The following LAPTM5 variants were observed in gnomAD, a reference collection of about 807,000 sequenced individuals.
LAPTM5 encodes lysosomal protein transmembrane 5.
Under a neutral mutation model 30.1 loss-of-function variants are expected in LAPTM5, and 11 were observed. The observed-to-expected ratio is 0.37, with a 90% CI of 0.23 to 0.60. LAPTM5 has a LOEUF of 0.60. Ranked by LOEUF, LAPTM5 falls within the 20% of genes least tolerant of loss-of-function variation. LAPTM5 has a pLI of 0.71. For synonymous variants in LAPTM5, 151 were observed against 137.9 expected (o/e 1.10, Z -0.67); for missense variants, 324 against 332.5 (o/e 0.97, Z 0.20).
intron 1 of LAPTM5, among the ~76,000 whole-genome samples, chr1:30,745,470 A>T (rs1016897135): frequency 1.8e-4 from 28 of 151,560 alleles, no homozygotes; most frequent in African/African-American, 6.8e-4. Flanking sequence ...CAGGCACCAG[A>T]GGTATTTCTA....
At chr1:30,742,109 G>T in intron 2 of LAPTM5, 2 of 391,408 alleles carry the variant, frequency 5.1e-6, no homozygotes, top group Non-Finnish European at 9.5e-6. Flanking sequence ...AGAGAGGTGG[G>T]CAGAGGCTGG....
intron 1 of LAPTM5, among the ~76,000 whole-genome samples, chr1:30,751,413 C>T (rs1388286813): frequency 6.6e-6 from 1 of 152,202 alleles, no homozygotes; most frequent in East Asian, 1.9e-4. Flanking sequence ...CAGTTTGGAC[C>T]CATTTTTCAA....
chr1:30,740,763 G>A (rs1262420275), intron 3 of LAPTM5, among the ~76,000 whole-genome samples: 2 of 152,162 alleles, frequency 1.3e-5, no homozygotes, highest in Non-Finnish European at 2.9e-5. Context: ...CCCTGCACAA[G>A]GCAAACGGCC....
chr1:30,741,892 A>C, intron 2 of LAPTM5, 176 bp from the exon 3 acceptor site: 1 of 502,572 alleles, frequency 2.0e-6, no homozygotes, highest in Non-Finnish European at 3.6e-6. Context: ...AAAGCAGAAC[A>C]TCACACATAG....
intron 1 of LAPTM5, among the ~76,000 whole-genome samples, chr1:30,744,539 C>T (rs140142281): frequency 2.0e-5 from 3 of 152,288 alleles, no homozygotes; most frequent in Non-Finnish European, 4.4e-5. Context: ...TTCAAAGTCT[C>T]AAGATTCCAG....
chr1:30,741,587 T>A (rs1639970873), intron 3 of LAPTM5, 53 bp downstream of exon 3: 1 of 1,373,734 alleles, frequency 7.3e-7, no homozygotes, highest in Non-Finnish European at 9.9e-7. Flanking sequence ...CCACCACCAG[T>A]GGGTGTGAAT....
intron 3 of LAPTM5, among the ~76,000 whole-genome samples, chr1:30,741,072 G>A (rs772612127): frequency 1.3e-5 from 2 of 152,178 alleles, no homozygotes; most frequent in African/African-American, 4.8e-5. Context: ...TTTGCCTCGG[G>A]CCCAGGAGCC....
intron 1 of LAPTM5, among the ~76,000 whole-genome samples, chr1:30,749,142 A>G (rs1640091773): frequency 6.6e-6 from 1 of 152,282 alleles, no homozygotes. Flanking sequence ...TGGTAGATTC[A>G]TACAATGGAG....
At chr1:30,741,607 G>C (rs373280418) in intron 3 of LAPTM5, 33 bp downstream of exon 3, 215 of 1,527,714 alleles carry the variant, frequency 1.4e-4, no homozygotes, top group Non-Finnish European at 1.8e-4. Flanking sequence ...TAACAGGAAG[G>C]GGCAGGGGGC....
At chr1:30,737,820 G>A (rs1188355) in intron 5 of LAPTM5, 121 bp from the exon 6 acceptor site, 127,527 of 625,322 alleles carry the variant, frequency 0.2, 13,770 homozygotes, top group Admixed American at 0.28. Context: ...TGGCACAGCC[G>A]TCACCTTGGT....
chr1:30,737,776 T>C, intron 5 of LAPTM5, 77 bp from the exon 6 acceptor site: 1 of 933,362 alleles, frequency 1.1e-6, no homozygotes, highest in South Asian at 1.4e-5. Context: ...CCGGGAATAA[T>C]GATCCCACCC....
In LAPTM5 at chr1:30,746,268, A is replaced by C. The variant is rs1404065639; in HGVS notation, c.88-3719T>G. On this transcript the variant is annotated intron_variant, in intron 1 of 7. Transcript: ENST00000294507. This position sits in a 1 kb window ranked among gnomAD's most constrained non-coding sequence, Gnocchi z 4.0. ...AGGGTCAGTGGGGTGGAGCTCCTAC[A>C]CACTGTAGGACATCTCACCCAGGCT... 6.6e-6 allele frequency: 1 copy of C among 152,094 alleles called. No individual in the cohort carries two copies. The highest frequency in any genetic ancestry group is 1.5e-5 in the Non-Finnish European group (1 of 68,018). The allele number at this position is 152,094 out of a possible 1,614,324, so 9.4% of individuals were successfully genotyped here.
Position 30,757,666 on chromosome 1 carries a change from T to G in LAPTM5, c.80A>C (p.Tyr27Ser). ...CGGGGCCCGCACACTCACCACATGG[T>G]AGATGGCCAGGGCGGTGGTTGCGAT... ...VRIATTALAIYHVIMSVLLFI... is the reference protein window; with the variant it reads ...VRIATTALAISHVIMSVLLFI... Residue 27 changes from tyrosine (Y) to serine (S), a missense_variant, in exon 1 of 8, where the codon TAC (tyrosine) becomes TCC (serine). Transcript: ENST00000294507. 1.2e-6 allele frequency: 2 copies of G among 1,613,496 alleles called. No individual in the cohort carries two copies. The highest frequency in any genetic ancestry group is 8.5e-7 in the Non-Finnish European group (1 of 1,179,946).
Position 30,739,981 on chromosome 1 carries a change from C to T in LAPTM5, c.259-44G>A, listed in dbSNP as rs1267723634. 7.3e-6 allele frequency: 11 copies of T among 1,510,952 alleles called. No homozygotes were observed. In the Admixed American group the frequency reaches 1.9e-4, roughly 26 times the overall value. The allele number at this position is 1,510,952 out of a possible 1,614,324, so 93.6% of individuals were successfully genotyped here. ...ACCGTCAAGTGTCCCCTGCATGCAG[C>T]CAACACTCCGCCACCCAGCCTGATA... On this transcript the variant is annotated intron_variant, in intron 3 of 7. Transcript: ENST00000294507. The surrounding 1 kb of genome is among the most constrained non-coding windows in gnomAD (Gnocchi z 4.2).
chr1:30,741,550 T>C, intron 3 of LAPTM5, 90 bp downstream of exon 3: 1 of 907,750 alleles, frequency 1.1e-6, no homozygotes, highest in Non-Finnish European at 1.6e-6. Flanking sequence ...CATACCCGCC[T>C]CCCACCCTCT....
In LAPTM5 at chr1:30,732,575, C is replaced by T. The variant is rs940479823; in HGVS notation, c.*1253G>A. The T allele has an allele frequency of 6.6e-6, 1 of 151,818 alleles. No individual in the cohort carries two copies. The highest frequency in any genetic ancestry group is 2.4e-5 in the African/African-American group (1 of 41,250). 9.4% of individuals were successfully genotyped at this position (151,818 alleles called of 1,614,324 possible). A position where few individuals can be genotyped will look rare whatever the true frequency, so the allele number is the denominator to read the frequency against. On this transcript the variant is annotated 3_prime_UTR_variant, in exon 8 of 8. Coordinates refer to ENST00000294507, the MANE Select transcript of LAPTM5 (RefSeq NM_006762.3). ...TGCAGAGCCTTCTCCCTCTGTACCC[C>T]CCGACAGTCCCCAGAGACCCTGCCT...
intron 6 of LAPTM5, among the ~76,000 whole-genome samples, chr1:30,737,351 T>C (rs948118046): frequency 5.9e-5 from 9 of 152,110 alleles, no homozygotes. Context: ...CCAAATCTAA[T>C]TCCAGACAGC....
At chr1:30,753,402 C>A (rs1640164962) in intron 1 of LAPTM5, among the ~76,000 whole-genome samples, 1 of 152,062 alleles carries the variant, frequency 6.6e-6, no homozygotes, top group Non-Finnish European at 1.5e-5. Context: ...AAAGGAGTAA[C>A]CTCAGCCGGG....
intron 1 of LAPTM5, among the ~76,000 whole-genome samples, chr1:30,743,528 C>G (rs993556404): frequency 6.6e-6 from 1 of 152,178 alleles, no homozygotes. Context: ...TGCTTCCAGC[C>G]ATGGGGAACT....
Sources: allele counts gnomAD v4.1 joint callset (sites outside exome capture counted in the v4.1 genomes callset), GRCh38; gene constraint gnomAD v4.1.1; non-coding constraint Gnocchi (gnomAD v3.1); transcripts MANE v1.5; gene names NCBI Gene and HGNC (gene_info 2026-07-23, HGNC 2026-07-21).